Variants in NPIPB2 observed in about 807,000 individuals in gnomAD.
NPIPB2 encodes the protein nuclear pore complex interacting protein family member B2.
In NPIPB2, 27 loss-of-function variants were observed where a neutral mutation model predicts 30.8. The ratio of observed to expected loss-of-function variants is 0.88; its 90% confidence interval spans 0.65 to 1.21. The LOEUF (loss-of-function observed/expected upper bound fraction) is 1.21. Ranked by LOEUF, NPIPB2 falls within the 50% of genes most tolerant of loss-of-function variation. NPIPB2 has a pLI of 0.00. For synonymous variants in NPIPB2, 147 were observed against 162.0 expected (o/e 0.91, Z 0.70); for missense variants, 440 against 446.2 (o/e 0.99, Z 0.13).
At chr16:11,962,034 T>G (rs1007776282) in intron 1 of NPIPB2, among the ~76,000 whole-genome samples, 24 of 151,578 alleles carry the variant, frequency 1.6e-4, no homozygotes, top group African/African-American at 5.8e-4. Flanking sequence ...ATCTCATCTC[T>G]ACAAAAAATA....
At chr16:11,934,429 T>C (rs1000698684) in intron 2 of NPIPB2, among the ~76,000 whole-genome samples, 25 of 151,470 alleles carry the variant, frequency 1.7e-4, no homozygotes, top group African/African-American at 5.8e-4. Flanking sequence ...GGTGCATGCC[T>C]GTAATCCCAG....
rs1336175865 is a variant in NPIPB2 at position 11,961,376 on chromosome 16, A to G, written c.-584+15192T>C. Among the ~76,000 whole-genome samples the G allele has an allele frequency of 2.6e-5, 4 of 152,300 alleles. No homozygotes were observed. The East Asian group carries it at 7.7e-4, about 29-fold the overall frequency. On this transcript the variant is annotated intron_variant, in intron 1 of 5. Transcript: ENST00000538896. ...AATTTGACGTTTTGATCAATATCTA[A>G]GTTCAAAATCTTTCCTAGGCTCAAG...
chr16:11,966,487 G>T, intron 1 of NPIPB2: 1 of 824,604 alleles, frequency 1.2e-6, no homozygotes. Flanking sequence ...AAATGAACTT[G>T]GTAGAGGTGA....
At chr16:11,970,954 G>A (rs2055232014) in intron 1 of NPIPB2, among the ~76,000 whole-genome samples, 1 of 151,592 alleles carries the variant, frequency 6.6e-6, no homozygotes, top group Non-Finnish European at 1.5e-5. Context: ...CTGGGGCTCA[G>A]GTGACCCTCC....
intron 1 of NPIPB2, among the ~76,000 whole-genome samples, chr16:11,963,601 C>A (rs1370533255): frequency 6.6e-6 from 1 of 152,010 alleles, no homozygotes; most frequent in Non-Finnish European, 1.5e-5. Context: ...TTTTTGTGCT[C>A]CCCTTCTTCC....
At position 11,958,243 on chromosome 16, in the gene NPIPB2, T is replaced by G. The variant is rs565889902; in HGVS notation, c.-583-16129A>C. Among the ~76,000 whole-genome samples, 6 of 151,756 alleles carry G rather than the reference T, an allele frequency of 4.0e-5. No homozygotes were observed. In the South Asian group the frequency reaches 8.3e-4, roughly 21 times the overall value. ...GAGTTCAAGACTAGCCTGGCCAACA[T>G]AGCAAAACCTCACCTCTACTAAAAA... is the stretch of plus-strand genomic sequence containing the variant. On this transcript the variant is annotated intron_variant, in intron 1 of 5. Transcript: ENST00000538896.
intron 1 of NPIPB2, among the ~76,000 whole-genome samples, chr16:11,969,204 G>A (rs894208035): frequency 2.6e-5 from 4 of 151,848 alleles, no homozygotes; most frequent in Non-Finnish European, 4.4e-5. Context: ...GCTTCTCTCC[G>A]ATATACATAC....
At chr16:11,950,685 T>C (rs1393005578) in intron 1 of NPIPB2, among the ~76,000 whole-genome samples, 1 of 152,126 alleles carries the variant, frequency 6.6e-6, no homozygotes, top group African/African-American at 2.4e-5. Context: ...GCCAGGACTC[T>C]TTTCTACCGC....
intron 1 of NPIPB2, among the ~76,000 whole-genome samples, chr16:11,952,384 C>G (rs970286510): frequency 6.6e-6 from 1 of 151,524 alleles, no homozygotes; most frequent in Non-Finnish European, 1.5e-5. Flanking sequence ...AAAAGAAACC[C>G]CTGGAGTCAA....
downstream of NPIPB2, chr16:11,927,319 T>G: frequency 1.3e-6 from 1 of 791,732 alleles, no homozygotes; most frequent in Non-Finnish European, 2.1e-6. Flanking sequence ...AGTGTGGGTT[T>G]TGTTTTGTTT....
chr16:11,951,625 T>TACACACACACACACACAC (rs1214348316), intron 1 of NPIPB2, among the ~76,000 whole-genome samples: 313 of 95,858 alleles, frequency 3.3e-3, no homozygotes, highest in African/African-American at 0.011. Context: ...CACATACACA[T>TACACACACACACACACAC]ACACACACAC....
intron 4 of NPIPB2, among the ~76,000 whole-genome samples, 198 bp downstream of exon 4, chr16:11,933,319 G>GA (rs930435591): frequency 7.3e-5 from 11 of 151,248 alleles, no homozygotes; most frequent in African/African-American, 2.2e-4. Context: ...CTCTTCCCCT[G>GA]AAAAAATGAC....
At chr16:11,968,035 C>A (rs966612707) in intron 1 of NPIPB2, 2 of 620,480 alleles carry the variant, frequency 3.2e-6, no homozygotes, top group Non-Finnish European at 2.6e-6. Flanking sequence ...TAGAAACTTC[C>A]TTGGTTTCAT....
intron 1 of NPIPB2, among the ~76,000 whole-genome samples, chr16:11,971,475 T>C (rs1596509618): frequency 6.6e-6 from 1 of 151,818 alleles, no homozygotes; most frequent in Non-Finnish European, 1.5e-5. Context: ...TTCCAAGTCA[T>C]AGGTAGATTC....
At position 11,959,981 on chromosome 16, in the gene NPIPB2, G is replaced by T. The variant is rs565956476; in HGVS notation, c.-584+16587C>A. On this transcript the variant is annotated intron_variant, in intron 1 of 5. Transcript: ENST00000538896. ...TGTAGAGATAGGGTTTCCCTGTGTT[G>T]CCCAGGCTGTCTCGAACTACTGGGC... Among the ~76,000 whole-genome samples the T allele has an allele frequency of 6.0e-4, 91 of 152,250 alleles. 1 individual carries two copies. The highest frequency in any genetic ancestry group is 2.1e-3 in the African/African-American group (89 of 41,562).
upstream of NPIPB2, among the ~76,000 whole-genome samples, chr16:11,943,243 C>T (rs1160615034): frequency 1.3e-5 from 2 of 151,990 alleles, no homozygotes; most frequent in African/African-American, 4.8e-5. Flanking sequence ...AGTTTGAACC[C>T]GGGAGGCAGA....
chr16:11,965,170 C>CA, intron 1 of NPIPB2: 1 of 882,064 alleles, frequency 1.1e-6, no homozygotes, highest in Non-Finnish European at 1.8e-6. Flanking sequence ...CGCGAAGACA[C>CA]AGACAGCCCC....
At chr16:11,972,658 A>G (rs2150946048) in intron 1 of NPIPB2, among the ~76,000 whole-genome samples, 1 of 147,592 alleles carries the variant, frequency 6.8e-6, no homozygotes, top group South Asian at 2.2e-4. Context: ...GCAGATCATG[A>G]AGTCAAGAGA....
At chr16:11,965,879 G>A (rs3862446) in intron 1 of NPIPB2, among the ~76,000 whole-genome samples, 52,176 of 152,004 alleles carry the variant, frequency 0.34, 9,362 homozygotes, top group East Asian at 0.59. Context: ...GGAGGCCGAG[G>A]TGGGTGAATC....
Sources: allele counts gnomAD v4.1 joint callset (sites outside exome capture counted in the v4.1 genomes callset), GRCh38; gene constraint gnomAD v4.1.1; transcripts MANE v1.5; gene names NCBI Gene and HGNC (gene_info 2026-07-23, HGNC 2026-07-21).